DCC: variants seen among roughly 807,000 people sequenced by gnomAD.
DCC encodes the protein DCC netrin 1 receptor, also known as netrin receptor DCC.
A neutral mutation model predicts 172.5 loss-of-function variants in DCC; 58 were observed. The observed-to-expected ratio is 0.34, with a 90% CI of 0.27 to 0.42. The LOEUF (loss-of-function observed/expected upper bound fraction) is 0.42, where lower values mean the gene tolerates loss of function less well. Ranked by LOEUF, DCC falls within the 10% of genes least tolerant of loss-of-function variation. The pLI, the probability that DCC is intolerant of heterozygous loss-of-function variation, is 1.00. For synonymous variants in DCC, 709 were observed against 644.5 expected, an observed-to-expected ratio of 1.10 and a Z score of -1.52; for missense variants, 1,740 against 1,791.0, an observed-to-expected ratio of 0.97 and a Z score of 0.51.
chr18:53,103,309 T>C (rs963042439), intron 7 of DCC, among the ~76,000 whole-genome samples: 7 of 152,018 alleles, frequency 4.6e-5, no homozygotes, highest in East Asian at 3.9e-4. Context: ...TTCAAAAGAA[T>C]AGGGGAACAC....
intron 1 of DCC, among the ~76,000 whole-genome samples, chr18:52,500,351 G>A (rs968803617): frequency 1.1e-4 from 16 of 152,128 alleles, no homozygotes; most frequent in Non-Finnish European, 4.4e-5. Context: ...CTGTTGATTA[G>A]CATCCTGAAA....
intron 1 of DCC, among the ~76,000 whole-genome samples, chr18:52,560,746 G>T (rs1377859431): frequency 1.3e-5 from 2 of 152,082 alleles, no homozygotes; most frequent in Non-Finnish European, 2.9e-5. Flanking sequence ...ATCATTTTCT[G>T]CCCTAGAGAT....
intron 9 of DCC, among the ~76,000 whole-genome samples, chr18:53,184,778 G>A (rs553970007): frequency 1.3e-5 from 2 of 152,218 alleles, no homozygotes; most frequent in Admixed American, 1.3e-4. Flanking sequence ...TGTGACACTT[G>A]GCTGTCATTG....
intron 7 of DCC, among the ~76,000 whole-genome samples, chr18:53,136,086 TTGAGC>T (rs1204315042): frequency 6.6e-6 from 1 of 151,782 alleles, no homozygotes; most frequent in Non-Finnish European, 1.5e-5. Context: ...AGTTATTTGT[TTGAGC>T]TGAACAGAAA....
intron 1 of DCC, among the ~76,000 whole-genome samples, chr18:52,379,324 C>G (rs1334541684): frequency 6.6e-6 from 1 of 151,956 alleles, no homozygotes; most frequent in Non-Finnish European, 1.5e-5. Context: ...AGAGTTGAGG[C>G]TTTGGCATCT....
chr18:53,226,948 A>ATATATATATATTTTTTT lies in DCC; in HGVS notation c.1911+11352_1911+11353insATATATATATTTTTTTT. Among the ~76,000 whole-genome samples the ATATATATATATTTTTTT allele has an allele frequency of 4.0e-4, 21 of 52,950 alleles. 1 individual carries two copies. Among genetic ancestry groups the ATATATATATATTTTTTT allele is most frequent in the African/African-American group, 2.0e-3 (21 of 10,614 alleles). 34.7% of individuals were successfully genotyped at this position (52,950 alleles called of 152,430 possible). A position where few individuals can be genotyped will look rare whatever the true frequency, so the allele number is the denominator to read the frequency against. ...TGTGTGTGTGTGTATATATATATAT[A>ATATATATATATTTTTTT]TTTTTTTTTTTTTTTTTTTGAGGCA... is the stretch of plus-strand genomic sequence containing the variant. On this transcript the variant is annotated intron_variant, in intron 12 of 28. Coordinates refer to ENST00000442544, the MANE Select transcript of DCC (RefSeq NM_005215.4).
intron 5 of DCC, among the ~76,000 whole-genome samples, chr18:52,969,585 CTCTCT>C (rs2040991997): frequency 1.8e-4 from 5 of 27,378 alleles, no homozygotes; most frequent in African/African-American, 4.4e-4. Context: ...CCGCCCCCCA[CTCTCT>C]CTCTCTCTCT....
intron 13 of DCC, among the ~76,000 whole-genome samples, chr18:53,309,703 C>T (rs1293566779): frequency 1.3e-5 from 2 of 151,846 alleles, no homozygotes; most frequent in African/African-American, 2.4e-5. Flanking sequence ...CAGCCAAAAG[C>T]AAAGTGAGAT....
intron 1 of DCC, among the ~76,000 whole-genome samples, chr18:52,609,110 C>A (rs2034196780): frequency 6.6e-6 from 1 of 152,040 alleles, no homozygotes. Flanking sequence ...TAAAGGTGTG[C>A]TTTTCTATTT....
intron 20 of DCC, among the ~76,000 whole-genome samples, chr18:53,413,048 A>C (rs1003004780): frequency 1.8e-4 from 27 of 152,276 alleles, no homozygotes; most frequent in African/African-American, 6.3e-4. Flanking sequence ...AACTATTGGA[A>C]GACTTATGTC....
intron 1 of DCC, among the ~76,000 whole-genome samples, chr18:52,529,771 C>T (rs893907522): frequency 3.3e-5 from 5 of 152,160 alleles, no homozygotes; most frequent in Non-Finnish European, 5.9e-5. Context: ...AAGATGCATC[C>T]GCCTCGAGCT....
intron 8 of DCC, 85 bp from the exon 9 acceptor site, chr18:53,178,877 C>G (rs892057620): frequency 6.8e-7 from 1 of 1,468,150 alleles, no homozygotes; most frequent in African/African-American, 1.4e-5. Context: ...TTTGGTTCAC[C>G]TCACTACTCT....
intron 9 of DCC, among the ~76,000 whole-genome samples, chr18:53,186,145 A>G (rs1034942314): frequency 1.3e-5 from 2 of 152,192 alleles, no homozygotes; most frequent in Non-Finnish European, 2.9e-5. Context: ...TTCAGTTGGT[A>G]TAACCAAACA....
chr18:52,413,296 A>G (rs1166119726), intron 1 of DCC, among the ~76,000 whole-genome samples: 1 of 151,278 alleles, frequency 6.6e-6, no homozygotes, highest in Non-Finnish European at 1.5e-5. Context: ...TATACTAGAT[A>G]GAAAAAGAAA....
intron 1 of DCC, among the ~76,000 whole-genome samples, chr18:52,424,813 C>T (rs1158289275): frequency 1.3e-5 from 2 of 152,234 alleles, no homozygotes; most frequent in Non-Finnish European, 2.9e-5. Flanking sequence ...CAGTGGGTAA[C>T]TTCCTTCTAC....
intron 14 of DCC, among the ~76,000 whole-genome samples, chr18:53,329,116 G>GT (rs915153496): frequency 6.6e-6 from 1 of 152,086 alleles, no homozygotes; most frequent in Non-Finnish European, 1.5e-5. Context: ...GAATTAGGCA[G>GT]TTTTTTAAAA....
At chr18:52,914,131 T>G (rs2040007474) in intron 3 of DCC, among the ~76,000 whole-genome samples, 2 of 152,036 alleles carry the variant, frequency 1.3e-5, no homozygotes, top group African/African-American at 2.4e-5. Flanking sequence ...ATTTTTGGAT[T>G]CTCCAAACTA....
intron 1 of DCC, among the ~76,000 whole-genome samples, chr18:52,475,863 A>G (rs754413911): frequency 2.6e-5 from 4 of 152,202 alleles, no homozygotes; most frequent in Admixed American, 6.5e-5. Context: ...CTTGATTTCA[A>G]TCAGGATTTC....
chr18:52,841,564 G>A (rs1598856944), intron 2 of DCC, among the ~76,000 whole-genome samples: 1 of 152,132 alleles, frequency 6.6e-6, no homozygotes, highest in Admixed American at 6.5e-5. Context: ...AACTGGGATG[G>A]TACCAGTACA....
Sources: gnomAD v4.1 joint callset for allele counts (sites outside exome capture counted in the v4.1 genomes callset) on GRCh38, gnomAD v4.1.1 for gene constraint, MANE v1.5 for transcripts, NCBI Gene and HGNC (gene_info 2026-07-23, HGNC 2026-07-21) for gene names.